Variants in ZNF625 observed in about 807,000 individuals in gnomAD.
ZNF625 encodes zinc finger protein 625.
In ZNF625, 8 loss-of-function variants were observed where a neutral mutation model predicts 11.1. The observed-to-expected ratio is 0.72, with a 90% CI of 0.42 to 1.30. The LOEUF (loss-of-function observed/expected upper bound fraction) is 1.30, where lower values mean the gene tolerates loss of function less well. Among genes scored for constraint, ZNF625 ranks in the 50% most tolerant of loss-of-function variants. The pLI, the probability that ZNF625 is intolerant of heterozygous loss-of-function variation, is 0.01. For synonymous variants in ZNF625, 145 were observed against 153.4 expected (o/e 0.95, Z 0.41); for missense variants, 349 against 447.6 (o/e 0.78, Z 1.99).
At chr19:12,148,623 ATTTT>A (rs57893180) in intron 1 of ZNF625, among the ~76,000 whole-genome samples, 1 of 138,286 alleles carries the variant, frequency 7.2e-6, no homozygotes. Flanking sequence ...TATAACTACC[ATTTT>A]TTTTTTTTTT....
chr19:12,153,733 C>T (rs1035569735), intron 1 of ZNF625, among the ~76,000 whole-genome samples: 6 of 150,242 alleles, frequency 4.0e-5, no homozygotes, highest in African/African-American at 7.3e-5. Flanking sequence ...TATAGACTGT[C>T]ACTGCCCATA....
chr19:12,145,405 A>C lies in ZNF625; in HGVS notation c.1011T>G (p.Gly337=), dbSNP rs1976853439. 6.2e-7 allele frequency: 1 copy of C among 1,613,998 alleles called. No homozygotes were observed. The highest frequency in any genetic ancestry group is 2.2e-5 in the East Asian group (1 of 44,866). The change falls in exon 4 of 4, where the codon GGT becomes GGG. Residue 337 remains glycine (G), a synonymous_variant. Transcript: ENST00000439556. The stretch of plus-strand genomic sequence containing the variant: ...CGCTCGAGGCACATCCAAAGGCTTT[A>C]CCACATTGTTTACATTCATAGGGTT... ...GEKPYECKQC[G]KAFGCASSVK...
intron 1 of ZNF625, among the ~76,000 whole-genome samples, chr19:12,151,300 C>T (rs1976952036): frequency 6.6e-6 from 1 of 151,322 alleles, no homozygotes; most frequent in African/African-American, 2.4e-5. Context: ...CAGACTCAAC[C>T]TCTGGGGTCA....
At chr19:12,154,980 C>T (rs925789309) in intron 1 of ZNF625, among the ~76,000 whole-genome samples, 2 of 151,962 alleles carry the variant, frequency 1.3e-5, no homozygotes, top group African/African-American at 2.4e-5. Flanking sequence ...CTTTGGGAGG[C>T]GGAGGGAGGC....
At chr19:12,147,334 A>AT (rs1276386998) in intron 3 of ZNF625, 61 bp downstream of exon 3, 2 of 1,334,440 alleles carry the variant, frequency 1.5e-6, no homozygotes, top group African/African-American at 3.0e-5. Context: ...TCTTTTTAAC[A>AT]TTTTCTTCCA....
At chr19:12,151,951 T>C (rs527832751) in intron 1 of ZNF625, among the ~76,000 whole-genome samples, 1 of 152,278 alleles carries the variant, frequency 6.6e-6, no homozygotes, top group Non-Finnish European at 1.5e-5. Flanking sequence ...CCTAAGATCA[T>C]GAATATTTTT....
intron 1 of ZNF625, among the ~76,000 whole-genome samples, chr19:12,150,253 T>C (rs1214426771): frequency 6.6e-6 from 1 of 152,134 alleles, no homozygotes; most frequent in Non-Finnish European, 1.5e-5. Context: ...TGCTTTGGAA[T>C]GTGGGAAGGG....
chr19:12,156,356 G>C (rs370660385), intron 1 of ZNF625, among the ~76,000 whole-genome samples, 200 bp downstream of exon 1: 2,124 of 152,312 alleles, frequency 0.014, 38 homozygotes, highest in Middle Eastern at 0.044. Context: ...GCGCAGAGAC[G>C]GGACAGGACG....
Position 12,146,177 on chromosome 19 carries a change from T to C in ZNF625, c.239A>G (p.His80Arg), listed in dbSNP as rs1288362096. ...TGGAACCTGGGTCAAAATTTCTCCA[T>C]GCTGATGATCTTTCTTACTTTCTAA... The part of the protein sequence containing the change: ...RLLESKKDHQ[H>R]GEILTQVPDD... Residue 80 changes from histidine (H) to arginine (R), a missense_variant, in exon 4 of 4, where the codon CAT becomes CGT. Coordinates refer to ENST00000439556, the MANE Select transcript of ZNF625 (RefSeq NM_145233.4). The C allele has an allele frequency of 1.2e-6, 2 of 1,614,098 alleles. No homozygotes were observed. Among genetic ancestry groups the C allele is most frequent in the Non-Finnish European group, 1.7e-6 (2 of 1,180,046 alleles).
intron 1 of ZNF625, among the ~76,000 whole-genome samples, chr19:12,152,389 G>A (rs538289803): frequency 1.3e-5 from 2 of 152,122 alleles, no homozygotes; most frequent in Admixed American, 6.5e-5. Context: ...TATCATACCC[G>A]TGATGAAGTG....
Position 12,145,729 on chromosome 19 carries a change from A to G in ZNF625, c.687T>C (p.Ser229=), listed in dbSNP as rs1349576903. ...YECKQCGKAF[S]HSGSLRIHER... ...CATGTATTCGAAGGCTACCAGAATG[A>G]CTAAAGGCTTTACCACACTGTTTAC... Residue 229 remains serine, a synonymous_variant, in exon 4 of 4, where the codon AGT becomes AGC. Transcript: ENST00000439556. 1 of 1,613,176 alleles carries G rather than the reference A, an allele frequency of 6.2e-7. No homozygotes were observed. The highest frequency in any genetic ancestry group is 2.2e-5 in the East Asian group (1 of 44,786).
At chr19:12,152,803 T>C (rs1216413716) in intron 1 of ZNF625, among the ~76,000 whole-genome samples, 2 of 151,366 alleles carry the variant, frequency 1.3e-5, no homozygotes. Flanking sequence ...GATCATGCCA[T>C]TGCACATCCC....
rs796955845 is a variant in ZNF625 at position 12,144,956 on chromosome 19, C to T, written c.*341G>A. On this transcript the variant is annotated 3_prime_UTR_variant, in exon 4 of 4. Transcript: ENST00000439556. Reference sequence around the variant, plus strand: ...GTCTCGAACTACTGACCTCGTGGTCCGCCTGCCTCGGCCTCCCAAAGTGCT... The same window carrying T: ...GTCTCGAACTACTGACCTCGTGGTCTGCCTGCCTCGGCCTCCCAAAGTGCT... 6.4e-4 allele frequency: 127 copies of T among 199,702 alleles called. No homozygotes were observed. The highest frequency in any genetic ancestry group is 2.7e-3 in the African/African-American group (117 of 42,742). 12.4% of individuals were successfully genotyped at this position (199,702 alleles called of 1,614,324 possible). A position where few individuals can be genotyped will look rare whatever the true frequency, so the allele number is the denominator to read the frequency against.
chr19:12,156,322 G>A (rs1489121545), intron 1 of ZNF625, among the ~76,000 whole-genome samples: 1 of 152,176 alleles, frequency 6.6e-6, no homozygotes, highest in Non-Finnish European at 1.5e-5. Flanking sequence ...CGGGGCCGGG[G>A]CCAGGGCCGG....
chr19:12,144,996 G>A lies in ZNF625; in HGVS notation c.*301C>T. On this transcript the variant is annotated 3_prime_UTR_variant, in exon 4 of 4. Coordinates refer to ENST00000439556, the MANE Select transcript of ZNF625 (RefSeq NM_145233.4). ...CCCAAAGTGCTGGGATTATAGGCAT[G>A]AGCCACTGCACCCGGCCAAACCTCG... 1 of 283,784 alleles carries A rather than the reference G, an allele frequency of 3.5e-6. No individual in the cohort carries two copies. The highest frequency in any genetic ancestry group is 6.6e-6 in the Non-Finnish European group (1 of 152,564). 17.6% of individuals were successfully genotyped at this position (283,784 alleles called of 1,614,324 possible). A position where few individuals can be genotyped will look rare whatever the true frequency, so the allele number is the denominator to read the frequency against.
chr19:12,145,931 G>A lies in ZNF625; in HGVS notation c.485C>T (p.Pro162Leu). ...TTTTCCACATTCCTCACAATCATAA[G>A]GTTTCCCCCCAGTGTGAGCCCATTC... is the stretch of plus-strand genomic sequence containing the variant. ...THEWAHTGGKPYDCEECGKSF... is the reference protein window; with the variant it reads ...THEWAHTGGKLYDCEECGKSF... The change falls in exon 4 of 4, where the codon CCT (proline) becomes CTT (leucine). Residue 162 changes from proline (P) to leucine (L), a missense_variant. Transcript: ENST00000439556. The A allele has an allele frequency of 4.3e-6, 7 of 1,614,212 alleles. No individual in the cohort carries two copies. The highest frequency in any genetic ancestry group is 4.2e-6 in the Non-Finnish European group (5 of 1,180,034).
intron 1 of ZNF625, among the ~76,000 whole-genome samples, chr19:12,150,912 G>T (rs1286705873): frequency 2.0e-5 from 3 of 152,092 alleles, no homozygotes; most frequent in Admixed American, 2.0e-4. Flanking sequence ...GTGTTCTACG[G>T]TGGAGCTCGC....
At chr19:12,146,254 GGTTCCT>G in intron 3 of ZNF625, 30 bp from the exon 4 acceptor site, 1 of 1,581,096 alleles carries the variant, frequency 6.3e-7, no homozygotes, top group South Asian at 1.1e-5. Context: ...TATCATAATG[GGTTCCT>G]TTATCACTGA....
At chr19:12,146,970 A>AGTTTTTTTTTTTTTTTTTTTTTT (rs1976883987) in intron 3 of ZNF625, among the ~76,000 whole-genome samples, 1 of 130,820 alleles carries the variant, frequency 7.6e-6, no homozygotes, top group Admixed American at 7.6e-5. Flanking sequence ...GTTTTTAGAG[A>AGTTTTTTTTTTTTTTTTTTTTTT]TTTTTTTTTT....
Sources: allele counts gnomAD v4.1 joint callset (sites outside exome capture counted in the v4.1 genomes callset), GRCh38; gene constraint gnomAD v4.1.1; transcripts MANE v1.5; gene names NCBI Gene and HGNC (gene_info 2026-07-23, HGNC 2026-07-21).